ANKS1B: variants seen among roughly 807,000 people sequenced by gnomAD.
ANKS1B encodes ankyrin repeat and sterile alpha motif domain containing 1B.
In ANKS1B, 36 loss-of-function variants were observed where a neutral mutation model predicts 148.3. The observed-to-expected ratio is 0.24, with a 90% CI of 0.19 to 0.32. The LOEUF (loss-of-function observed/expected upper bound fraction) is 0.32. Ranked by LOEUF, ANKS1B falls within the 10% of genes least tolerant of loss-of-function variation. The pLI, the probability that ANKS1B is intolerant of heterozygous loss-of-function variation, is 1.00. For missense variants in ANKS1B, 1,157 were observed against 1,542.6 expected, an observed-to-expected ratio of 0.75 and a Z score of 4.19; for synonymous variants, 542 against 560.8, an observed-to-expected ratio of 0.97 and a Z score of 0.47.
chr12:99,188,658 A>T (rs1487799341), intron 14 of ANKS1B, among the ~76,000 whole-genome samples: 1 of 152,236 alleles, frequency 6.6e-6, no homozygotes, highest in African/African-American at 2.4e-5. Context: ...GAGAACAAAG[A>T]CACAATGTAC....
At chr12:99,728,959 G>A (rs1049143636) in intron 8 of ANKS1B, among the ~76,000 whole-genome samples, 5 of 152,154 alleles carry the variant, frequency 3.3e-5, no homozygotes, top group Non-Finnish European at 5.9e-5. Flanking sequence ...GCGGACAACA[G>A]CATAGTGTAA....
chr12:99,913,506 T>C (rs1029410451), intron 1 of ANKS1B, among the ~76,000 whole-genome samples: 4 of 152,040 alleles, frequency 2.6e-5, no homozygotes, highest in African/African-American at 9.7e-5. Flanking sequence ...AGAAAAAAAA[T>C]TTAATTTTCT....
intron 15 of ANKS1B, among the ~76,000 whole-genome samples, chr12:99,099,487 A>G (rs1044858970): frequency 6.6e-6 from 1 of 152,224 alleles, no homozygotes; most frequent in African/African-American, 2.4e-5. Flanking sequence ...GGCACGGTCC[A>G]GGGTGCTTGC....
At chr12:99,008,041 A>T (rs1406308392) in intron 17 of ANKS1B, among the ~76,000 whole-genome samples, 1 of 151,268 alleles carries the variant, frequency 6.6e-6, no homozygotes, top group Non-Finnish European at 1.5e-5. Flanking sequence ...CTTTACTGGC[A>T]TGTGGAGGAG....
chr12:99,717,381 C>T (rs1246621450), intron 8 of ANKS1B, among the ~76,000 whole-genome samples: 1 of 152,214 alleles, frequency 6.6e-6, no homozygotes, highest in Admixed American at 6.5e-5. Context: ...AGCCACATCT[C>T]CAGCATACAA....
At chr12:98,956,147 G>A (rs147830546) in intron 17 of ANKS1B, among the ~76,000 whole-genome samples, 18 of 152,268 alleles carry the variant, frequency 1.2e-4, no homozygotes, top group African/African-American at 4.1e-4. Context: ...TGACTGTGGT[G>A]AGTGGGCACC....
chr12:99,018,878 G>A (rs1269689799), intron 17 of ANKS1B, among the ~76,000 whole-genome samples: 1 of 152,168 alleles, frequency 6.6e-6, no homozygotes, highest in Non-Finnish European at 1.5e-5. Flanking sequence ...GGGAGGCAGA[G>A]GTTGCAGTGA....
intron 15 of ANKS1B, among the ~76,000 whole-genome samples, chr12:99,129,734 C>T (rs1282346777): frequency 1.3e-5 from 2 of 152,158 alleles, no homozygotes; most frequent in East Asian, 3.9e-4. Context: ...CAAGGTAATA[C>T]TGCCTGGATA....
chr12:99,724,973 A>G (rs376907862), intron 8 of ANKS1B, among the ~76,000 whole-genome samples: 16 of 152,316 alleles, frequency 1.1e-4, no homozygotes, highest in South Asian at 6.2e-4. Flanking sequence ...TTTCATCACC[A>G]CCATGCCTGC....
chr12:99,056,811 T>G (rs903569053), intron 16 of ANKS1B, among the ~76,000 whole-genome samples: 1 of 152,228 alleles, frequency 6.6e-6, no homozygotes, highest in Non-Finnish European at 1.5e-5. Flanking sequence ...CTGGAGTGAT[T>G]TCTTCAGGAC....
chr12:99,748,918 T>A (rs572396384), intron 8 of ANKS1B, among the ~76,000 whole-genome samples: 48 of 152,240 alleles, frequency 3.2e-4, no homozygotes, highest in Middle Eastern at 3.4e-3. Flanking sequence ...CCTACTGAAT[T>A]AACAAATCCT....
Position 99,543,436 on chromosome 12 carries a change from G to C in ANKS1B, c.1273-38795C>G, listed in dbSNP as rs57827992. 9.7e-4 allele frequency among the ~76,000 whole-genome samples: 147 copies of C among 152,162 alleles called. 1 individual carries two copies. The highest frequency in any genetic ancestry group is 3.0e-3 in the African/African-American group (123 of 41,566). ...GCAGTTCCTTAAACTGTTAAATATA[G>C]AGTTACCATATGACTCCAATATTCT... is the stretch of plus-strand genomic sequence containing the variant. On this transcript the variant is annotated intron_variant, in intron 9 of 26. Coordinates refer to ENST00000683438, the MANE Select transcript of ANKS1B (RefSeq NM_001352186.2).
intron 8 of ANKS1B, among the ~76,000 whole-genome samples, chr12:99,659,115 T>C (rs2098463769): frequency 6.6e-6 from 1 of 152,160 alleles, no homozygotes; most frequent in Non-Finnish European, 1.5e-5. Flanking sequence ...CTATTACAAG[T>C]AGCTTTGCAG....
chr12:99,054,329 T>G (rs2099968171), intron 16 of ANKS1B, among the ~76,000 whole-genome samples: 1 of 152,156 alleles, frequency 6.6e-6, no homozygotes, highest in East Asian at 1.9e-4. Flanking sequence ...TAATGGAAAT[T>G]TATATGATTC....
At chr12:99,676,870 A>C (rs1468406074) in intron 8 of ANKS1B, among the ~76,000 whole-genome samples, 1 of 152,230 alleles carries the variant, frequency 6.6e-6, no homozygotes, top group Non-Finnish European at 1.5e-5. Context: ...TTGTTCTATA[A>C]ATGTTAAATT....
intron 9 of ANKS1B, among the ~76,000 whole-genome samples, chr12:99,519,914 T>G (rs1014916780): frequency 1.3e-5 from 2 of 152,230 alleles, no homozygotes; most frequent in African/African-American, 2.4e-5. Context: ...TAACAATGAT[T>G]GCTTAAACAA....
chr12:99,492,462 CTACCCAATA>C lies in ANKS1B; in HGVS notation c.1438+12005_1438+12013del, dbSNP rs144208732. Reference sequence around the variant, plus strand: ...GACTAGACTGATTCACAGCCAATTTCTACCCAATATACAAAGAAGAGCTGGTACCATTTC... The same window carrying C: ...GACTAGACTGATTCACAGCCAATTTCTACAAAGAAGAGCTGGTACCATTTC... On this transcript the variant is annotated intron_variant, in intron 10 of 26. Coordinates refer to ENST00000683438, the MANE Select transcript of ANKS1B (RefSeq NM_001352186.2). 9.1e-3 allele frequency among the ~76,000 whole-genome samples: 1,386 copies of C among 152,246 alleles called. 20 individuals are homozygous for C. The highest frequency in any genetic ancestry group is 0.032 in the African/African-American group (1,330 of 41,542).
intron 8 of ANKS1B, among the ~76,000 whole-genome samples, chr12:99,659,886 C>T (rs1214186116): frequency 2.6e-5 from 4 of 152,172 alleles, no homozygotes; most frequent in Non-Finnish European, 4.4e-5. Context: ...TATTGTCTTT[C>T]TACCACACCA....
chr12:99,141,890 C>CTTTCCCATGGAGGAAGTT (rs1344968466), intron 15 of ANKS1B, among the ~76,000 whole-genome samples: 1 of 151,994 alleles, frequency 6.6e-6, no homozygotes, highest in Non-Finnish European at 1.5e-5. Context: ...TAACTGATAA[C>CTTTCCCATGGAGGAAGTT]TTTCCCATGG....
Sources: allele counts gnomAD v4.1 joint callset (sites outside exome capture counted in the v4.1 genomes callset), GRCh38; gene constraint gnomAD v4.1.1; transcripts MANE v1.5; gene names NCBI Gene and HGNC (gene_info 2026-07-23, HGNC 2026-07-21).